Variants in CCNH observed in about 807,000 individuals in gnomAD.
CCNH encodes the protein cyclin H, also known as cyclin-H.
CCNH carries 31 observed loss-of-function variants against 41.9 expected under a neutral mutation model. The ratio of observed to expected loss-of-function variants is 0.74; its 90% CI spans 0.56 to 1.00. The LOEUF (loss-of-function observed/expected upper bound fraction) is 1.00. Among genes scored for constraint, CCNH ranks in the 50% least tolerant of loss-of-function variants. The probability of loss-of-function intolerance (pLI) is 0.00; values close to 1 mark genes in which losing one functional copy is unlikely to be tolerated. For synonymous variants in CCNH, 138 were observed against 136.1 expected (o/e 1.01, Z -0.10); for missense variants, 362 against 388.4 (o/e 0.93, Z 0.57).
chr5:87,331,329 TTC>T lies in CCNH; in HGVS notation c.*91-12434_*91-12433del, dbSNP rs1561286651. The T allele has an allele frequency of 1.7e-5, 27 of 1,581,162 alleles. No homozygotes were observed. The highest frequency in any genetic ancestry group is 2.3e-5 in the Non-Finnish European group (26 of 1,150,382). ...CACTTGCTATTTATATTGTAATATC[TTC>T]TCTGTTTTTCCCCTAGGTGGTATCA... On this transcript the variant is annotated intron_variant and NMD_transcript_variant, in intron 9 of 9. Transcript: ENST00000645953.
intron 4 of CCNH, among the ~76,000 whole-genome samples, chr5:87,406,378 CAAAA>C (rs1763790495): frequency 1.3e-5 from 2 of 152,076 alleles, no homozygotes; most frequent in Admixed American, 1.3e-4. Context: ...AACACAACAA[CAAAA>C]AAACTCTCAC....
In CCNH at chr5:87,394,446, TTAGAGAG is replaced by T. The variant is rs1460820474; in HGVS notation, c.965_971del (p.Ser322TyrfsTer10). On this transcript the variant is annotated frameshift_variant and stop_lost, in exon 9 of 9. Coordinates refer to ENST00000256897, the MANE Select transcript of CCNH (RefSeq NM_001239.4). LOFTEE classifies it high-confidence loss of function. ...GCATTGAGAAATCAACTTCAAATGG[TTAGAGAG>T]ATTCTACCAGGTCGTCATCAGTCCA... 6.2e-7 allele frequency: 1 copy of T among 1,613,080 alleles called. No homozygotes were observed. The highest frequency in any genetic ancestry group is 2.2e-5 in the East Asian group (1 of 44,796).
At chr5:87,377,098 G>A in exon 1 of CCNH, 2 of 1,531,714 alleles carry the variant, frequency 1.3e-6, no homozygotes, top group Non-Finnish European at 1.8e-6. Context: ...TTATATCAAG[G>A]ATATATGGAC....
chr5:87,339,545 CT>C (rs1758286897), intron 9 of CCNH, among the ~76,000 whole-genome samples: 1 of 152,094 alleles, frequency 6.6e-6, no homozygotes, highest in Admixed American at 6.6e-5. Context: ...TATAGTTGAA[CT>C]TTTCTTGAGC....
At chr5:87,363,260 A>G in intron 9 of CCNH, 8 of 1,196,034 alleles carry the variant, frequency 6.7e-6, no homozygotes, top group Non-Finnish European at 9.6e-6. Flanking sequence ...AAATTGATTG[A>G]TTCATATTTT....
At chr5:87,318,333 T>C (rs1756505532), downstream of CCNH, 1 of 152,136 alleles carries the variant, frequency 6.6e-6, no homozygotes, top group South Asian at 2.1e-4. Context: ...TAGAGGAAGA[T>C]TGATATCTAA....
chr5:87,317,611 A>C (rs1561276318), downstream of CCNH, among the ~76,000 whole-genome samples: 1 of 150,806 alleles, frequency 6.6e-6, no homozygotes, highest in Non-Finnish European at 1.5e-5. Context: ...CTTTTTCCCT[A>C]ATAAGACTGT....
chr5:87,353,095 T>A, intron 9 of CCNH: 1 of 1,343,424 alleles, frequency 7.4e-7, no homozygotes, highest in East Asian at 2.3e-5. Flanking sequence ...AGTTTACACA[T>A]ATTTTTAAAG....
Position 87,323,893 on chromosome 5 carries a change from A to T in CCNH, c.*91-4996T>A, listed in dbSNP as rs1580262036. Among the ~76,000 whole-genome samples the T allele has an allele frequency of 3.3e-5, 5 of 152,066 alleles. 1 individual carries two copies. The highest frequency in any genetic ancestry group is 3.3e-4 in the Admixed American group (5 of 15,270). On this transcript the variant is annotated intron_variant and NMD_transcript_variant, in intron 9 of 9. Coordinates refer to the CCNH transcript ENST00000645953. ...AAGACTGAGACAGGTATTTTTTTGT[A>T]TCCCTGTGTATCCTCCTACTTACTA... is the stretch of plus-strand genomic sequence containing the variant.
rs138205522 is a variant in CCNH, at chr5:87,337,207, T to C, written c.*91-18310A>G. ...TTCAAGAATTACTAATGGTTTTATA[T>C]TGATGAAATACATCAGCAACTTGTT... On this transcript the variant is annotated intron_variant and NMD_transcript_variant, in intron 9 of 9. Coordinates refer to the CCNH transcript ENST00000645953. 2.0e-4 allele frequency among the ~76,000 whole-genome samples: 31 copies of C among 152,252 alleles called. No homozygotes were observed. The East Asian group carries it at 5.8e-3, about 28-fold the overall frequency.
intron 9 of CCNH, among the ~76,000 whole-genome samples, chr5:87,360,674 T>A (rs980890674): frequency 3.9e-5 from 6 of 152,200 alleles, no homozygotes; most frequent in Non-Finnish European, 7.3e-5. Context: ...TTAGTCTCAT[T>A]TCTTTTTAGC....
At chr5:87,387,248 C>T (rs1580412155), downstream of CCNH, among the ~76,000 whole-genome samples, 3 of 152,098 alleles carry the variant, frequency 2.0e-5, no homozygotes, top group Middle Eastern at 6.8e-3. Flanking sequence ...TTTGCTGCTA[C>T]TATGTGGGGC....
downstream of CCNH, chr5:87,393,522 T>C (rs1179083210): frequency 6.6e-6 from 1 of 152,242 alleles, no homozygotes; most frequent in African/African-American, 2.4e-5. Flanking sequence ...ATGATTCATA[T>C]GTAAGTAATT....
downstream of CCNH, chr5:87,374,833 C>T: frequency 2.5e-6 from 4 of 1,608,116 alleles, no homozygotes; most frequent in Non-Finnish European, 3.4e-6. Flanking sequence ...TCTCCTTGCT[C>T]CTTTAGTGAT....
chr5:87,395,018 GAGTTCATC>G lies in CCNH; in HGVS notation c.933+18_933+25del. On this transcript the variant is annotated intron_variant, in intron 8 of 8. Coordinates refer to ENST00000256897, the MANE Select transcript of CCNH (RefSeq NM_001239.4). ...CAGAATGTATAACAAAAATAACTTA[GAGTTCATC>G]TTTGGAGTAAAACATACCTCCTCAT... The G allele has an allele frequency of 6.2e-7, 1 of 1,610,932 alleles. No homozygotes were observed. Among genetic ancestry groups the G allele is most frequent in the Non-Finnish European group, 8.5e-7 (1 of 1,177,506 alleles).
At position 87,376,984 on chromosome 5, in the gene CCNH, A is replaced by T. The variant is rs373098580; in HGVS notation, n.197T>A. 6.9e-4 allele frequency: 1,110 copies of T among 1,613,786 alleles called. 18 individuals are homozygous for T. In the South Asian group the frequency reaches 0.011, roughly 16 times the overall value. On this transcript the variant is annotated non_coding_transcript_exon_variant, in exon 1 of 1. Coordinates refer to the CCNH transcript ENST00000607486. ...ATCCTACTGAGGATTTTTCTTCACG[A>T]AAAGCTTGAATCGTTGTTGTTATGC...
intron 9 of CCNH, among the ~76,000 whole-genome samples, chr5:87,325,234 C>T (rs1757144755): frequency 6.6e-6 from 1 of 152,182 alleles, no homozygotes; most frequent in South Asian, 2.1e-4. Context: ...ATAACAGCAG[C>T]ATGGGGGTAA....
chr5:87,344,307 A>G (rs1174654867), intron 9 of CCNH, among the ~76,000 whole-genome samples: 5 of 152,178 alleles, frequency 3.3e-5, no homozygotes, highest in Non-Finnish European at 7.4e-5. Context: ...CCCCATAAAA[A>G]TAAACAAAAT....
chr5:87,357,704 CAAAA>C (rs5869396), intron 9 of CCNH, among the ~76,000 whole-genome samples: 2 of 149,894 alleles, frequency 1.3e-5, no homozygotes, highest in Admixed American at 1.3e-4. Context: ...GATTCCATCT[CAAAA>C]AAAAAGAAAA....
Sources: gnomAD v4.1 joint callset for allele counts (sites outside exome capture counted in the v4.1 genomes callset) on GRCh38, gnomAD v4.1.1 for gene constraint, MANE v1.5 for transcripts, NCBI Gene and HGNC (gene_info 2026-07-23, HGNC 2026-07-21) for gene names.